The following TRMT5 variants were observed in gnomAD, a reference collection of about 807,000 sequenced individuals.
TRMT5 encodes tRNA (guanine(37)-N(1))-methyltransferase.
In TRMT5, 31 loss-of-function variants were observed where a neutral mutation model predicts 42.2. That is an observed-to-expected ratio of 0.73 (90% CI 0.55 to 0.99). TRMT5 has a LOEUF of 0.99. TRMT5 is among the 50% of genes least tolerant of loss of function. The pLI is 0.00. For synonymous variants in TRMT5, 198 were observed against 209.6 expected (o/e 0.94, Z 0.48); for missense variants, 568 against 595.0 (o/e 0.95, Z 0.47).
chr14:60,972,384 A>G lies in TRMT5; in HGVS notation c.*2725T>C. The G allele has an allele frequency of 1.8e-6, 1 of 540,892 alleles. No homozygotes were observed. Among genetic ancestry groups the G allele is most frequent in the Non-Finnish European group, 3.7e-6 (1 of 267,870 alleles). The allele number at this position is 540,892 out of a possible 1,614,324, so 33.5% of individuals were successfully genotyped here. ...CTTTGGAGGAGCAGGTTTAGCAGAC[A>G]ACCTCGCAGATCTTCTCTGTGATTC... On this transcript the variant is annotated 3_prime_UTR_variant, in exon 5 of 5. Coordinates refer to ENST00000261249, the MANE Select transcript of TRMT5 (RefSeq NM_020810.3).
chr14:60,975,939 T>G lies in TRMT5; in HGVS notation c.980A>C (p.Asp327Ala). 6.2e-7 allele frequency: 1 copy of G among 1,614,124 alleles called. No homozygotes were observed. The highest frequency in any genetic ancestry group is 8.5e-7 in the Non-Finnish European group (1 of 1,180,008). The change falls in exon 4 of 5, where the codon GAT (aspartate) becomes GCT (alanine). Residue 327 changes from aspartate to alanine, a missense_variant. Asp to Ala is a moderately radical substitution (Grantham distance 126). Coordinates refer to ENST00000261249, the MANE Select transcript of TRMT5 (RefSeq NM_020810.3). The part of the protein sequence containing the change: ...AKKNCTVFAN[D>A]LNPESHKWLL... ...CCATTTATGAGATTCAGGATTGAGA[T>G]CATTGGCAAATACAGTGCAGTTTTT...
intron 3 of TRMT5, among the ~76,000 whole-genome samples, chr14:60,976,958 T>C (rs1457446793): frequency 6.6e-6 from 1 of 152,186 alleles, no homozygotes; most frequent in Non-Finnish European, 1.5e-5. Flanking sequence ...AGAAAGTTCA[T>C]AAGTTCTATA....
chr14:60,977,290 A>C (rs1226253629), intron 3 of TRMT5, among the ~76,000 whole-genome samples: 2 of 152,196 alleles, frequency 1.3e-5, no homozygotes, highest in African/African-American at 4.8e-5. Flanking sequence ...TGGAGCTAAA[A>C]AACCTTTAAT....
intron 3 of TRMT5, among the ~76,000 whole-genome samples, chr14:60,976,509 T>C (rs548970550): frequency 1.3e-5 from 2 of 152,324 alleles, no homozygotes; most frequent in South Asian, 4.1e-4. Flanking sequence ...ACCTACAATT[T>C]TGAAACAACA....
At chr14:60,981,286 G>C (rs2036987862), upstream of TRMT5, 1 of 1,604,904 alleles carries the variant, frequency 6.2e-7, no homozygotes, top group South Asian at 1.1e-5. Flanking sequence ...GCATGGAGGC[G>C]TCCTGGGGGA....
chr14:60,978,493 TGAG>T (rs1392098147), intron 2 of TRMT5, among the ~76,000 whole-genome samples: 1 of 152,206 alleles, frequency 6.6e-6, no homozygotes, highest in Non-Finnish European at 1.5e-5. Context: ...TAGTTTGAAA[TGAG>T]GAATGAAATT....
Position 60,975,545 on chromosome 14 carries a change from G to C in TRMT5, c.1374C>G (p.Asn458Lys), listed in dbSNP as rs1221701715. ...GAAACGTGATGCACAGCATTTCCTT[G>C]TTTGGGGCCACATTTCTTACCAGGT... ...SVHLVRNVAP[N>K]KEMLCITFQI... The change falls in exon 4 of 5, where the codon AAC becomes AAG. Residue 458 changes from asparagine (N) to lysine (K), a missense_variant. Coordinates refer to ENST00000261249, the MANE Select transcript of TRMT5 (RefSeq NM_020810.3). 3 of 1,614,092 alleles carry C rather than the reference G, an allele frequency of 1.9e-6. No individual in the cohort carries two copies. The highest frequency in any genetic ancestry group is 8.5e-7 in the Non-Finnish European group (1 of 1,180,036).
rs1191848362 is a variant in TRMT5, at chr14:60,975,690, C to T, written c.1229G>A (p.Ser410Asn). 1 of 1,614,232 alleles carries T rather than the reference C, an allele frequency of 6.2e-7. No individual in the cohort carries two copies. The highest frequency in any genetic ancestry group is 1.1e-5 in the South Asian group (1 of 91,088). Residue 410 changes from serine (S) to asparagine (N), a missense_variant, in exon 4 of 5, where the codon AGT (serine) becomes AAT (asparagine). Coordinates refer to ENST00000261249, the MANE Select transcript of TRMT5 (RefSeq NM_020810.3). ...KWLLDGQPCSSEFLPIVHCYS... is the reference protein window; with the variant it reads ...KWLLDGQPCSNEFLPIVHCYS... ...ACAATGCACTATGGGAAGGAACTCA[C>T]TGCTGCATGGCTGCCCATCTAAAAG...
Position 60,981,045 on chromosome 14 carries a change from G to C in TRMT5, c.-72C>G, listed in dbSNP as rs759680212. On this transcript the variant is annotated 5_prime_UTR_variant, in exon 1 of 5. In the 5' UTR this introduces an upstream ATG that the reference lacks. Coordinates refer to ENST00000261249, the MANE Select transcript of TRMT5 (RefSeq NM_020810.3). ...TCACCTCCCGCTCCGGTACCGATCG[G>C]ATGTGGGTCGCGGGTGGATGGGCGG... 1 of 1,609,078 alleles carries C rather than the reference G, an allele frequency of 6.2e-7. No homozygotes were observed. Among genetic ancestry groups the C allele is most frequent in the Non-Finnish European group, 8.5e-7 (1 of 1,179,964 alleles).
In TRMT5 at chr14:60,974,210, C is replaced by T. The variant is rs2036814444; in HGVS notation, c.*899G>A. 1.3e-5 allele frequency: 2 copies of T among 152,184 alleles called. No homozygotes were observed. The highest frequency in any genetic ancestry group is 2.9e-5 in the Non-Finnish European group (2 of 68,024). The allele number at this position is 152,184 out of a possible 1,614,324, so 9.4% of individuals were successfully genotyped here. Reference sequence around the variant, plus strand: ...ATATACATGGCACTCAAAATGCTGTCGTTACAACCACATCAGTGATTTGTG... The same window carrying T: ...ATATACATGGCACTCAAAATGCTGTTGTTACAACCACATCAGTGATTTGTG... On this transcript the variant is annotated 3_prime_UTR_variant, in exon 5 of 5. Coordinates refer to ENST00000261249, the MANE Select transcript of TRMT5 (RefSeq NM_020810.3).
At position 60,980,983 on chromosome 14, in the gene TRMT5, C is replaced by T. The variant is rs201554645; in HGVS notation, c.-10G>A. On this transcript the variant is annotated 5_prime_UTR_variant, in exon 1 of 5. Coordinates refer to ENST00000261249, the MANE Select transcript of TRMT5 (RefSeq NM_020810.3). ...CTCACCAAAGCACCATTCCAATTCC[C>T]CACGTCGCTCTGCAGCTGGATCCGC... 1.9e-4 allele frequency: 313 copies of T among 1,611,690 alleles called. 1 individual carries two copies. The highest frequency in any genetic ancestry group is 4.9e-4 in the East Asian group (22 of 44,862).
intron 2 of TRMT5, among the ~76,000 whole-genome samples, chr14:60,978,946 A>C (rs1175276772): frequency 2.0e-5 from 3 of 152,170 alleles, no homozygotes; most frequent in African/African-American, 4.8e-5. Context: ...TACCAAAAAG[A>C]TCTCTCCTCA....
At chr14:60,978,429 G>C (rs567214100) in intron 2 of TRMT5, among the ~76,000 whole-genome samples, 1 of 152,142 alleles carries the variant, frequency 6.6e-6, no homozygotes, top group South Asian at 2.1e-4. Flanking sequence ...ATTAATCATT[G>C]TTCTTACCCT....
chr14:60,981,030 C>T lies in TRMT5; in HGVS notation c.-57G>A, dbSNP rs1374355044. ...CCGCGAGCCGACCCCTCACCTCCCG[C>T]TCCGGTACCGATCGGATGTGGGTCG... On this transcript the variant is annotated 5_prime_UTR_variant, in exon 1 of 5. Transcript: ENST00000261249. 1 of 1,610,602 alleles carries T rather than the reference C, an allele frequency of 6.2e-7. No homozygotes were observed. The highest frequency in any genetic ancestry group is 8.5e-7 in the Non-Finnish European group (1 of 1,180,014).
Position 60,980,987 on chromosome 14 carries a change from G to T in TRMT5, c.-14C>A. The T allele has an allele frequency of 6.2e-7, 1 of 1,611,308 alleles. No individual in the cohort carries two copies. Among genetic ancestry groups the T allele is most frequent in the Non-Finnish European group, 8.5e-7 (1 of 1,180,004 alleles). On this transcript the variant is annotated 5_prime_UTR_variant, in exon 1 of 5. Coordinates refer to ENST00000261249, the MANE Select transcript of TRMT5 (RefSeq NM_020810.3). ...CCAAAGCACCATTCCAATTCCCCAC[G>T]TCGCTCTGCAGCTGGATCCGCGAGC...
upstream of TRMT5, chr14:60,981,518 T>A: frequency 1.3e-6 from 2 of 1,533,764 alleles, no homozygotes; most frequent in East Asian, 2.5e-5. Flanking sequence ...GGATGGGGTC[T>A]GAAGGCAGCC....
At chr14:60,977,408 C>G in intron 3 of TRMT5, 106 bp downstream of exon 3, 2 of 1,157,914 alleles carry the variant, frequency 1.7e-6, no homozygotes, top group Non-Finnish European at 2.4e-6. Flanking sequence ...CACATTCTCA[C>G]ATACTCACCA....
In TRMT5 at chr14:60,972,589, T is replaced by TC. The variant is rs1317341583; in HGVS notation, c.*2519_*2520insG. On this transcript the variant is annotated 3_prime_UTR_variant, in exon 5 of 5. Transcript: ENST00000261249. Reference sequence around the variant, plus strand: ...CACACTGCTCCCACGCTTTTTTAATTGACAAAATTCAAAATATAGCCCAAT... The same window carrying TC: ...CACACTGCTCCCACGCTTTTTTAATTCGACAAAATTCAAAATATAGCCCAAT... 3.0e-6 allele frequency: 1 copy of TC among 333,542 alleles called. No individual in the cohort carries two copies. The highest frequency in any genetic ancestry group is 5.8e-6 in the Non-Finnish European group (1 of 172,944). 20.7% of individuals were successfully genotyped at this position (333,542 alleles called of 1,614,324 possible).
In TRMT5 at chr14:60,972,678, C is replaced by T. The variant is rs1486096339; in HGVS notation, c.*2431G>A. 3.7e-6 allele frequency: 1 copy of T among 269,956 alleles called. No individual in the cohort carries two copies. The highest frequency in any genetic ancestry group is 2.3e-5 in the African/African-American group (1 of 44,422). 16.7% of individuals were successfully genotyped at this position (269,956 alleles called of 1,614,324 possible). A position where few individuals can be genotyped will look rare whatever the true frequency, so the allele number is the denominator to read the frequency against. ...CTAATCAGGGTTCTAAGTAAGTGTT[C>T]CCTGTGATCAAAATCAGTTGTAAAT... On this transcript the variant is annotated 3_prime_UTR_variant, in exon 5 of 5. Coordinates refer to ENST00000261249, the MANE Select transcript of TRMT5 (RefSeq NM_020810.3).
Sources: gnomAD v4.1 joint callset for allele counts (sites outside exome capture counted in the v4.1 genomes callset) on GRCh38, gnomAD v4.1.1 for gene constraint, MANE v1.5 for transcripts, NCBI Gene and HGNC (gene_info 2026-07-23, HGNC 2026-07-21) for gene names.